ADGRL2: variants seen among roughly 807,000 people sequenced by gnomAD.
ADGRL2 encodes the protein calcium-independent alpha-latrotoxin receptor 2.
In ADGRL2, 44 loss-of-function variants were observed where a neutral mutation model predicts 157.4. The ratio of observed to expected loss-of-function variants is 0.28; its 90% CI spans 0.22 to 0.36. The LOEUF (loss-of-function observed/expected upper bound fraction) is 0.36, where lower values mean the gene tolerates loss of function less well. Among genes scored for constraint, ADGRL2 ranks in the 10% least tolerant of loss-of-function variants. The pLI, the probability that ADGRL2 is intolerant of heterozygous loss-of-function variation, is 1.00. For missense variants in ADGRL2, 1,510 were observed against 1,768.9 expected, an observed-to-expected ratio of 0.85 and a Z score of 2.63; for synonymous variants, 585 against 624.7, an observed-to-expected ratio of 0.94 and a Z score of 0.95.
intron 2 of ADGRL2, among the ~76,000 whole-genome samples, chr1:81,783,132 TA>T (rs917782408): frequency 1.3e-3 from 192 of 152,272 alleles, no homozygotes; most frequent in African/African-American, 4.4e-3. Flanking sequence ...GCTATTTATT[TA>T]TTTATTTTGA....
At chr1:81,696,720 C>T (rs554044023), upstream of ADGRL2, among the ~76,000 whole-genome samples, 8 of 152,088 alleles carry the variant, frequency 5.3e-5, no homozygotes, top group Non-Finnish European at 1.0e-4. Context: ...CCACTGCACT[C>T]CAGCCTGGGC....
chr1:81,801,090 T>C (rs567829944), intron 1 of ADGRL2, among the ~76,000 whole-genome samples, 22 bp downstream of exon 1: 9 of 152,064 alleles, frequency 5.9e-5, no homozygotes, highest in Admixed American at 5.9e-4. Context: ...CTTTCGCTCC[T>C]CCTCCCCGCC....
chr1:81,503,958 G>GCCCTTC (rs1157539105), intron 2 of ADGRL2, among the ~76,000 whole-genome samples: 22 of 152,320 alleles, frequency 1.4e-4, no homozygotes, highest in Non-Finnish European at 2.5e-4. Flanking sequence ...TCTCTGCTGA[G>GCCCTTC]CATGGTTGGT....
intron 2 of ADGRL2, among the ~76,000 whole-genome samples, chr1:81,475,670 T>C (rs1009966527): frequency 4.6e-5 from 7 of 152,044 alleles, no homozygotes; most frequent in African/African-American, 9.7e-5. Flanking sequence ...AAAGGATTAT[T>C]TGGGGGGAGG....
chr1:81,680,767 G>A lies in ADGRL2; in HGVS notation c.-142-81044G>A, dbSNP rs1232640178. Among the ~76,000 whole-genome samples, 7 of 152,086 alleles carry A rather than the reference G, an allele frequency of 4.6e-5. No individual in the cohort carries two copies. The East Asian group carries it at 1.4e-3, about 29-fold the overall frequency. ...GAAGGGGCAAGTATGAAAATATTAA[G>A]AATCTATACAATGACACCTGCAATG... On this transcript the variant is annotated intron_variant, in intron 3 of 24. Transcript: ENST00000370721.
In ADGRL2 at chr1:81,990,480, G is replaced by A; in HGVS notation, c.3745G>A (p.Gly1249Ser). The change falls in exon 24 of 24, where the codon GGT becomes AGT. Residue 1249 changes from glycine (G) to serine (S), a missense_variant. Transcript: ENST00000686636. ...NFNNSYSLHK[G>S]DYNDSVQVVD... is the part of the protein sequence containing the mutation. The stretch of plus-strand genomic sequence containing the variant: ...TAACAACAGCTACTCGCTGCACAAG[G>A]GTGACTATAATGACAGCGTGCAAGT... The A allele has an allele frequency of 6.2e-7, 1 of 1,614,038 alleles. No individual in the cohort carries two copies. Among genetic ancestry groups the A allele is most frequent in the Non-Finnish European group, 8.5e-7 (1 of 1,179,954 alleles).
At chr1:81,841,995 G>A (rs10874273) in intron 2 of ADGRL2, among the ~76,000 whole-genome samples, 151,151 of 152,196 alleles carry the variant, frequency 0.99, 75,071 homozygotes, top group Middle Eastern at 1. Flanking sequence ...GTGATGATAC[G>A]GCAGAATCAC....
chr1:81,525,217 T>G (rs1031683338), intron 2 of ADGRL2, among the ~76,000 whole-genome samples: 2 of 152,204 alleles, frequency 1.3e-5, no homozygotes, highest in South Asian at 4.1e-4. Context: ...CTCACCTCTC[T>G]TCAAACCAGT....
At chr1:81,659,675 T>C (rs2082613142) in intron 3 of ADGRL2, among the ~76,000 whole-genome samples, 1 of 152,214 alleles carries the variant, frequency 6.6e-6, no homozygotes, top group African/African-American at 2.4e-5. Flanking sequence ...CATTTCATGA[T>C]TGGTTAATGA....
At chr1:81,798,890 C>T (rs2087724611), upstream of ADGRL2, among the ~76,000 whole-genome samples, 1 of 150,850 alleles carries the variant, frequency 6.6e-6, no homozygotes, top group Admixed American at 6.7e-5. Flanking sequence ...TAGGATTAGA[C>T]TGATGCATGC....
chr1:81,325,290 A>G (rs1660818399), intron 1 of ADGRL2, among the ~76,000 whole-genome samples: 1 of 152,168 alleles, frequency 6.6e-6, no homozygotes, highest in African/African-American at 2.4e-5. Flanking sequence ...TTCCCCTCAC[A>G]GTACCTCTTC....
intron 1 of ADGRL2, among the ~76,000 whole-genome samples, chr1:81,423,738 G>A (rs12757970): frequency 6.6e-6 from 1 of 152,064 alleles, no homozygotes; most frequent in African/African-American, 2.4e-5. Flanking sequence ...TGTTAACTGA[G>A]ATGTAAAAAG....
At chr1:81,842,725 G>A (rs72717768) in intron 2 of ADGRL2, among the ~76,000 whole-genome samples, 11,828 of 151,962 alleles carry the variant, frequency 0.078, 533 homozygotes, top group South Asian at 0.15. Context: ...GGAAAAAAAC[G>A]TATTTTTCCT....
rs80327519 is a variant in ADGRL2 at position 81,356,971 on chromosome 1, A to AAAAAAAAAAAAAAAG, written c.-302+50464_-302+50465insAAAAAAAAAAAAGAA. The stretch of plus-strand genomic sequence containing the variant: ...CCGTCTCAAAAAAAAAAAAAAAAAA[A>AAAAAAAAAAAAAAAG]AAGAAGTTGTTTCCTTTTAAAGCTC... On this transcript the variant is annotated intron_variant, in intron 1 of 24. Transcript: ENST00000370721. Among the ~76,000 whole-genome samples, 93 of 99,388 alleles carry AAAAAAAAAAAAAAAG rather than the reference A, an allele frequency of 9.4e-4. 2 individuals carry two copies. The highest frequency in any genetic ancestry group is 1.7e-3 in the East Asian group (4 of 2,328). 65.2% of individuals were successfully genotyped at this position (99,388 alleles called of 152,430 possible).
chr1:81,992,615 T>C lies in ADGRL2; in HGVS notation c.*1470T>C, dbSNP rs771037108. 2.6e-5 allele frequency among the ~76,000 whole-genome samples: 4 copies of C among 152,160 alleles called. No homozygotes were observed. Among genetic ancestry groups the C allele is most frequent in the Non-Finnish European group, 5.9e-5 (4 of 68,024 alleles). Reference sequence around the variant, plus strand: ...CCCACTACATATGCACAAAATCTGCTGGATAAGTTTTAAGAGGGATATATT... The same window carrying C: ...CCCACTACATATGCACAAAATCTGCCGGATAAGTTTTAAGAGGGATATATT... On this transcript the variant is annotated 3_prime_UTR_variant, in exon 24 of 24. Transcript: ENST00000686636.
intron 1 of ADGRL2, among the ~76,000 whole-genome samples, chr1:81,358,547 C>T (rs888536118): frequency 2.0e-5 from 3 of 152,090 alleles, no homozygotes; most frequent in Non-Finnish European, 4.4e-5. Flanking sequence ...TTCATTTCTT[C>T]AGAGATATAG....
chr1:81,438,147 A>T (rs2077442725), intron 1 of ADGRL2, among the ~76,000 whole-genome samples: 1 of 152,150 alleles, frequency 6.6e-6, no homozygotes, highest in Non-Finnish European at 1.5e-5. Flanking sequence ...AGATTCCTGG[A>T]ACCATCTCCC....
At chr1:81,723,303 C>G (rs1433720193) in intron 1 of ADGRL2, among the ~76,000 whole-genome samples, 2 of 152,056 alleles carry the variant, frequency 1.3e-5, no homozygotes, top group African/African-American at 4.8e-5. Flanking sequence ...ATCCCTACCT[C>G]TCTCCCCCAA....
In ADGRL2 at chr1:81,782,669, C is replaced by A. The variant is rs142808403; in HGVS notation, c.-101+20817C>A. Among the ~76,000 whole-genome samples the A allele has an allele frequency of 4.2e-3, 636 of 152,296 alleles. 1 individual carries two copies. Among genetic ancestry groups the A allele is most frequent in the Middle Eastern group, 6.8e-3 (2 of 294 alleles). On this transcript the variant is annotated intron_variant, in intron 2 of 20. Coordinates refer to the ADGRL2 transcript ENST00000359929. ...ACCACTTGAGTCTTTATCTCCACTT[C>A]CCCAAGACATTCCAGAGATTTTGAT...
Sources: allele counts gnomAD v4.1 joint callset (sites outside exome capture counted in the v4.1 genomes callset), GRCh38; gene constraint gnomAD v4.1.1; transcripts MANE v1.5; gene names NCBI Gene and HGNC (gene_info 2026-07-23, HGNC 2026-07-21).